The following CHST11 variants were observed in gnomAD, a reference collection of about 807,000 sequenced individuals.
The protein encoded by CHST11 is C4S-1.
Under a neutral mutation model 30.4 loss-of-function variants are expected in CHST11, and 9 were observed. The ratio of observed to expected loss-of-function variants is 0.30; its 90% CI spans 0.18 to 0.52. The LOEUF (loss-of-function observed/expected upper bound fraction) is 0.52, where lower values mean the gene tolerates loss of function less well. Ranked by LOEUF, CHST11 falls within the 20% of genes least tolerant of loss-of-function variation. The pLI is 0.97. For missense variants in CHST11, 348 were observed against 460.6 expected, an observed-to-expected ratio of 0.76 and a Z score of 2.24; for synonymous variants, 152 against 187.8, an observed-to-expected ratio of 0.81 and a Z score of 1.56.
intron 1 of CHST11, among the ~76,000 whole-genome samples, chr12:104,565,519 G>A (rs1044868153): frequency 3.3e-5 from 5 of 151,780 alleles, no homozygotes; most frequent in African/African-American, 1.2e-4. Context: ...CACCTGCCTC[G>A]GCCTCCCAAA....
At chr12:104,552,660 G>A (rs893002208) in intron 1 of CHST11, 11 of 152,020 alleles carry the variant, frequency 7.2e-5, no homozygotes, top group Admixed American at 2.0e-4. Context: ...CAGCAAAAAC[G>A]TCACCACCTA....
chr12:104,703,051 G>C (rs774852631), intron 2 of CHST11, among the ~76,000 whole-genome samples: 8 of 152,112 alleles, frequency 5.3e-5, no homozygotes. Context: ...CTGGCTTCTC[G>C]CATTCCCCAG....
At chr12:104,714,816 C>T (rs1025339014) in intron 2 of CHST11, among the ~76,000 whole-genome samples, 1 of 152,170 alleles carries the variant, frequency 6.6e-6, no homozygotes, top group Non-Finnish European at 1.5e-5. Context: ...GCTGGTCACT[C>T]ATACTTTTTG....
chr12:104,644,946 T>TC (rs2039412007), intron 2 of CHST11, among the ~76,000 whole-genome samples: 1 of 152,100 alleles, frequency 6.6e-6, no homozygotes, highest in East Asian at 1.9e-4. Flanking sequence ...TTCTTCCACT[T>TC]TTTTTGTTTT....
intron 2 of CHST11, among the ~76,000 whole-genome samples, chr12:104,739,644 T>A (rs376277538): frequency 2.0e-5 from 3 of 152,222 alleles, no homozygotes; most frequent in African/African-American, 7.2e-5. Flanking sequence ...ATTTTTTTCA[T>A]GAGAAAAAAC....
At chr12:104,737,840 G>A (rs949299466) in intron 2 of CHST11, among the ~76,000 whole-genome samples, 5 of 152,082 alleles carry the variant, frequency 3.3e-5, no homozygotes, top group East Asian at 1.9e-4. Flanking sequence ...TGAGCCAGGC[G>A]GAAAGGGAGG....
intron 1 of CHST11, among the ~76,000 whole-genome samples, chr12:104,551,462 G>C (rs2038404188): frequency 6.6e-6 from 1 of 152,064 alleles, no homozygotes; most frequent in Non-Finnish European, 1.5e-5. Flanking sequence ...TCAGCTTCAA[G>C]TGACAAAAGC....
At chr12:104,698,219 G>T (rs1173339394) in intron 2 of CHST11, among the ~76,000 whole-genome samples, 1 of 152,072 alleles carries the variant, frequency 6.6e-6, no homozygotes, top group Non-Finnish European at 1.5e-5. Flanking sequence ...CCTTAGCCTG[G>T]CCATCAAGGC....
At chr12:104,485,129 G>T (rs2037664172) in intron 1 of CHST11, among the ~76,000 whole-genome samples, 1 of 152,112 alleles carries the variant, frequency 6.6e-6, no homozygotes, top group Non-Finnish European at 1.5e-5. Flanking sequence ...CAGGACAGCG[G>T]GCCTCAGAGG....
At position 104,588,108 on chromosome 12, in the gene CHST11, C is replaced by T. The variant is rs566550942; in HGVS notation, c.119-13798C>T. Reference sequence around the variant, plus strand: ...AACAGTTTTATTGAAATACTATTTACATGTAAAATTCACCCACTTTAAGTG... The same window carrying T: ...AACAGTTTTATTGAAATACTATTTATATGTAAAATTCACCCACTTTAAGTG... On this transcript the variant is annotated intron_variant, in intron 1 of 2. Coordinates refer to ENST00000303694, the MANE Select transcript of CHST11 (RefSeq NM_018413.6). Among the ~76,000 whole-genome samples the T allele has an allele frequency of 4.2e-4, 63 of 150,616 alleles. No homozygotes were observed. In the South Asian group the frequency reaches 0.013, roughly 31 times the overall value.
chr12:104,674,553 G>A (rs1358081238), intron 2 of CHST11, among the ~76,000 whole-genome samples: 5 of 152,202 alleles, frequency 3.3e-5, no homozygotes, highest in African/African-American at 1.2e-4. Context: ...CTTGAGTCCA[G>A]CAGCTCTGCT....
In CHST11 at chr12:104,543,634, G is replaced by A. The variant is rs1039603108; in HGVS notation, c.119-58272G>A. Among the ~76,000 whole-genome samples the A allele has an allele frequency of 7.9e-5, 12 of 152,066 alleles. 1 individual carries two copies. Among genetic ancestry groups the A allele is most frequent in the African/African-American group, 2.4e-4 (10 of 41,376 alleles). ...TAAGTTGAGGGAAATTAATGCATTT[G>A]GTTGGATCCTGCCTGATGTACTTTA... On this transcript the variant is annotated intron_variant, in intron 1 of 2. Coordinates refer to ENST00000303694, the MANE Select transcript of CHST11 (RefSeq NM_018413.6).
intron 1 of CHST11, among the ~76,000 whole-genome samples, chr12:104,475,217 A>C (rs1231104159): frequency 6.6e-6 from 1 of 152,184 alleles, no homozygotes; most frequent in Non-Finnish European, 1.5e-5. Context: ...ACATTTATTG[A>C]CCAAATATTT....
intron 2 of CHST11, among the ~76,000 whole-genome samples, chr12:104,712,588 T>C (rs78085698): frequency 0.013 from 2,045 of 152,248 alleles, 45 homozygotes; most frequent in Middle Eastern, 0.061. Context: ...CGGAGTTGCC[T>C]GGAAAGCATT....
At chr12:104,537,284 G>A (rs535907971) in intron 1 of CHST11, among the ~76,000 whole-genome samples, 2 of 152,224 alleles carry the variant, frequency 1.3e-5, no homozygotes, top group Non-Finnish European at 2.9e-5. Flanking sequence ...CAGAACCTAA[G>A]ATGGTGGGCT....
chr12:104,519,105 T>TGTGTGTGTGTGTGTGTGTGTG (rs1565972437), intron 1 of CHST11, among the ~76,000 whole-genome samples: 3 of 151,294 alleles, frequency 2.0e-5, no homozygotes, highest in African/African-American at 7.3e-5. Context: ...TGTGTGTGTG[T>TGTGTGTGTGTGTGTGTGTGTG]TTCTTTCTCC....
rs12828253 is a variant in CHST11 at position 104,759,208 on chromosome 12, G to A, written c.*1405G>A. ...TGCACACCCTCTCACGTCCTCCAGA[G>A]GCTGAAAGACTATCAGCATCTTGGT... On this transcript the variant is annotated 3_prime_UTR_variant, in exon 3 of 3. Coordinates refer to ENST00000303694, the MANE Select transcript of CHST11 (RefSeq NM_018413.6). 6.6e-6 allele frequency: 1 copy of A among 152,160 alleles called. No individual in the cohort carries two copies. The highest frequency in any genetic ancestry group is 1.5e-5 in the Non-Finnish European group (1 of 68,038). The allele number at this position is 152,160 out of a possible 1,614,324, so 9.4% of individuals were successfully genotyped here. A position where few individuals can be genotyped will look rare whatever the true frequency, so the allele number is the denominator to read the frequency against.
At chr12:104,544,133 A>G (rs1157991645) in intron 1 of CHST11, among the ~76,000 whole-genome samples, 2 of 71,674 alleles carry the variant, frequency 2.8e-5, no homozygotes, top group Non-Finnish European at 5.6e-5. Context: ...GTTAAAAAAA[A>G]AAAAAAAAGA....
intron 1 of CHST11, among the ~76,000 whole-genome samples, chr12:104,535,838 G>A (rs754470366): frequency 8.5e-5 from 13 of 152,196 alleles, no homozygotes; most frequent in Non-Finnish European, 1.6e-4. Context: ...TTTATGCATA[G>A]ACATATGAAA....
Sources: allele counts gnomAD v4.1 joint callset (sites outside exome capture counted in the v4.1 genomes callset), GRCh38; gene constraint gnomAD v4.1.1; transcripts MANE v1.5; gene names NCBI Gene and HGNC (gene_info 2026-07-23, HGNC 2026-07-21).